MACROD2: variants seen among roughly 807,000 people sequenced by gnomAD.
MACROD2 encodes the protein ADP-ribose glycohydrolase MACROD2.
Under a neutral mutation model 70.4 loss-of-function variants are expected in MACROD2, and 36 were observed. The observed-to-expected ratio is 0.51, with a 90% CI of 0.39 to 0.68. MACROD2 has a LOEUF of 0.68. Among genes scored for constraint, MACROD2 ranks in the 30% least tolerant of loss-of-function variants. The probability of loss-of-function intolerance (pLI) is 0.00; values close to 1 mark genes in which losing one functional copy is unlikely to be tolerated. For missense variants in MACROD2, 496 were observed against 538.4 expected (o/e 0.92, Z 0.78); for synonymous variants, 172 against 178.8 (o/e 0.96, Z 0.30).
intron 4 of MACROD2, among the ~76,000 whole-genome samples, chr20:14,626,669 C>G (rs1422820345): frequency 3.3e-5 from 5 of 152,114 alleles, no homozygotes; most frequent in Admixed American, 6.6e-5. Context: ...CAGAGACCAG[C>G]AGGCAAGGAA....
chr20:14,873,526 T>C (rs1339146812), intron 5 of MACROD2, among the ~76,000 whole-genome samples: 1 of 152,038 alleles, frequency 6.6e-6, no homozygotes, highest in African/African-American at 2.4e-5. Context: ...AGGTGGAAAA[T>C]CTCATTAATG....
intron 13 of MACROD2, among the ~76,000 whole-genome samples, chr20:15,983,681 G>A (rs1332196695): frequency 4.6e-5 from 7 of 152,148 alleles, no homozygotes; most frequent in African/African-American, 1.4e-4. Context: ...GAGCTACCAC[G>A]CAGCCTACGC....
At chr20:14,292,572 A>G (rs1297917624) in intron 3 of MACROD2, among the ~76,000 whole-genome samples, 2 of 151,932 alleles carry the variant, frequency 1.3e-5, no homozygotes, top group South Asian at 2.1e-4. Context: ...AGCAGGAGCC[A>G]TTCTTAAGTA....
intron 5 of MACROD2, among the ~76,000 whole-genome samples, chr20:15,199,758 C>G (rs530118182): frequency 6.6e-6 from 1 of 151,972 alleles, no homozygotes; most frequent in Non-Finnish European, 1.5e-5. Context: ...ATTATTTTAC[C>G]TCTGTTTCTG....
chr20:14,414,028 C>T (rs1283012470), intron 3 of MACROD2, among the ~76,000 whole-genome samples: 2 of 152,128 alleles, frequency 1.3e-5, no homozygotes, highest in Non-Finnish European at 2.9e-5. Flanking sequence ...ATTTCTTCTG[C>T]TATCTGCATT....
intron 4 of MACROD2, among the ~76,000 whole-genome samples, chr20:14,653,387 T>A (rs1985793782): frequency 1.3e-5 from 2 of 151,180 alleles, no homozygotes; most frequent in Admixed American, 6.6e-5. Flanking sequence ...CCCGGCTAAT[T>A]TTTTGTATTT....
chr20:15,948,470 C>A (rs907326059), intron 12 of MACROD2, among the ~76,000 whole-genome samples: 1 of 149,410 alleles, frequency 6.7e-6, no homozygotes, highest in African/African-American at 2.5e-5. Context: ...TAGCCACTTT[C>A]CCAAATTTGT....
In MACROD2 at chr20:15,324,094, T is replaced by A. The variant is rs188013467; in HGVS notation, c.540+94033T>A. Among the ~76,000 whole-genome samples the A allele has an allele frequency of 1.7e-3, 263 of 152,280 alleles. 2 individuals are homozygous for A. The highest frequency in any genetic ancestry group is 5.8e-3 in the African/African-American group (242 of 41,558). On this transcript the variant is annotated intron_variant, in intron 6 of 17. Coordinates refer to ENST00000684519, the MANE Select transcript of MACROD2 (RefSeq NM_001351661.2). ...AGGAAATACTTGCCCCATTTTTTTT[T>A]AATTTTAGTTTGGTTTAATTCCTCT...
intron 5 of MACROD2, among the ~76,000 whole-genome samples, chr20:15,046,023 C>A (rs991346945): frequency 4.0e-5 from 6 of 151,878 alleles, no homozygotes; most frequent in Non-Finnish European, 8.8e-5. Context: ...CTCTCTGTGG[C>A]GTCCTTTCGG....
intron 3 of MACROD2, among the ~76,000 whole-genome samples, chr20:14,197,126 A>G (rs923932644): frequency 3.9e-5 from 6 of 152,242 alleles, no homozygotes; most frequent in Admixed American, 1.3e-4. Context: ...CAGTTAAATA[A>G]ACTTTTATTT....
At chr20:14,789,460 ATTTTTTTTTT>A (rs3045609) in intron 5 of MACROD2, among the ~76,000 whole-genome samples, 37 of 48,364 alleles carry the variant, frequency 7.7e-4, no homozygotes, top group East Asian at 2.7e-3. Context: ...GGTAGTGCAA[ATTTTTTTTTT>A]TTTTTTTTTT....
intron 4 of MACROD2, among the ~76,000 whole-genome samples, chr20:14,658,669 A>G (rs1460908722): frequency 6.6e-6 from 1 of 152,196 alleles, no homozygotes; most frequent in Non-Finnish European, 1.5e-5. Context: ...GCTGGAGTGC[A>G]GTGGCACAAT....
chr20:15,326,738 C>T (rs1417711799), intron 6 of MACROD2, among the ~76,000 whole-genome samples: 1 of 152,006 alleles, frequency 6.6e-6, no homozygotes, highest in East Asian at 1.9e-4. Context: ...CTCCCGTGTC[C>T]CCATCTCCAA....
chr20:14,205,517 C>T, intron 3 of MACROD2, among the ~76,000 whole-genome samples: 1 of 152,216 alleles, frequency 6.6e-6, no homozygotes, highest in Admixed American at 6.5e-5. Context: ...GGTGGCTCCA[C>T]CCCACCCTTC....
At chr20:14,915,835 G>A (rs1305702454) in intron 5 of MACROD2, among the ~76,000 whole-genome samples, 1 of 152,126 alleles carries the variant, frequency 6.6e-6, no homozygotes, top group African/African-American at 2.4e-5. Flanking sequence ...AGGTAGCTGC[G>A]AGTCATCATT....
chr20:14,761,966 C>A (rs956542643), intron 5 of MACROD2, among the ~76,000 whole-genome samples: 3 of 152,104 alleles, frequency 2.0e-5, no homozygotes, highest in Non-Finnish European at 4.4e-5. Context: ...TCTCCCAATT[C>A]TTTTCCCATT....
chr20:14,606,409 C>G (rs1375111259), intron 4 of MACROD2, among the ~76,000 whole-genome samples: 2 of 152,022 alleles, frequency 1.3e-5, no homozygotes, highest in Non-Finnish European at 1.5e-5. Context: ...ATAACAATTC[C>G]AGGTACTTTG....
chr20:14,617,692 A>G (rs902660148), intron 4 of MACROD2, among the ~76,000 whole-genome samples: 3 of 152,094 alleles, frequency 2.0e-5, no homozygotes, highest in African/African-American at 7.2e-5. Context: ...TAAAATAACT[A>G]GCTCACTCAA....
At chr20:15,758,489 C>T (rs936243649) in intron 8 of MACROD2, among the ~76,000 whole-genome samples, 6 of 151,714 alleles carry the variant, frequency 4.0e-5, no homozygotes, top group South Asian at 2.1e-4. Flanking sequence ...ATCCGACTGC[C>T]TCAGCCTCCC....
Sources: gnomAD v4.1 joint callset for allele counts (sites outside exome capture counted in the v4.1 genomes callset) on GRCh38, gnomAD v4.1.1 for gene constraint, MANE v1.5 for transcripts, NCBI Gene and HGNC (gene_info 2026-07-23, HGNC 2026-07-21) for gene names.